ABHD6: variants seen among roughly 807,000 people sequenced by gnomAD.
ABHD6 encodes abhydrolase domain containing 6, acylglycerol lipase.
Under a neutral mutation model 38.8 loss-of-function variants are expected in ABHD6, and 33 were observed. That is an observed-to-expected ratio of 0.85 (90% CI 0.64 to 1.14). The LOEUF is 1.14. ABHD6 is among the 50% of genes most tolerant of loss of function. The pLI, the probability that ABHD6 is intolerant of heterozygous loss-of-function variation, is 0.00. For missense variants in ABHD6, 380 were observed against 422.6 expected (o/e 0.90, Z 0.88); for synonymous variants, 147 against 161.6 (o/e 0.91, Z 0.69).
chr3:58,271,087 C>T, intron 6 of ABHD6, 23 bp downstream of exon 6: 1 of 1,570,692 alleles, frequency 6.4e-7, no homozygotes, highest in South Asian at 1.2e-5. Flanking sequence ...GCTGAAACAT[C>T]CCTCGGCAGG....
chr3:58,282,740 AAAC>A (rs996997943), intron 7 of ABHD6, among the ~76,000 whole-genome samples: 31 of 152,304 alleles, frequency 2.0e-4, no homozygotes, highest in African/African-American at 7.0e-4. Flanking sequence ...TGTCTCAAAA[AAAC>A]AACAACAAAA....
rs2097446308 is a variant in ABHD6 at position 58,273,250 on chromosome 3, T to C, written c.524-1408T>C. ...ATATTATTGATGCTACTGCCTTTCA[T>C]TATAAAATCTAGCTCTTTTCTAGAT... On this transcript the variant is annotated intron_variant, in intron 6 of 9. Coordinates refer to ENST00000478253, the MANE Select transcript of ABHD6 (RefSeq NM_001320126.2). The surrounding 1 kb of genome is among the most constrained non-coding windows in gnomAD (Gnocchi z 4.8). Among the ~76,000 whole-genome samples the C allele has an allele frequency of 6.6e-6, 1 of 152,170 alleles. No homozygotes were observed. Among genetic ancestry groups the C allele is most frequent in the Non-Finnish European group, 1.5e-5 (1 of 68,046 alleles).
intron 3 of ABHD6, among the ~76,000 whole-genome samples, chr3:58,260,741 A>C (rs968951793): frequency 1.3e-5 from 2 of 152,214 alleles, no homozygotes; most frequent in Non-Finnish European, 2.9e-5. Context: ...AGCAGGCAGT[A>C]GAGGTAGCTT....
intron 7 of ABHD6, among the ~76,000 whole-genome samples, chr3:58,284,504 G>A (rs940662923): frequency 6.6e-6 from 1 of 150,836 alleles, no homozygotes; most frequent in African/African-American, 2.4e-5. Flanking sequence ...AGGTTGGAGT[G>A]CAGTGGCGCA....
intron 2 of ABHD6, among the ~76,000 whole-genome samples, chr3:58,254,575 G>A (rs2097431982): frequency 6.6e-6 from 1 of 152,096 alleles, no homozygotes; most frequent in Non-Finnish European, 1.5e-5. Context: ...AGAGGCATAT[G>A]GGAGAGATCA....
rs1038874232 is a variant in ABHD6, at chr3:58,267,037, A to G, written c.120-152A>G. ...TTTGTGTTCCTTGAGGGTAAAGCTC[A>G]GGAGGACTCTAGAGACTGATGGAGG... On this transcript the variant is annotated intron_variant, in intron 3 of 9. Transcript: ENST00000478253. This position sits in a 1 kb window ranked among gnomAD's most constrained non-coding sequence, Gnocchi z 4.3. The G allele has an allele frequency of 1.3e-6, 1 of 787,576 alleles. No homozygotes were observed. The highest frequency in any genetic ancestry group is 2.0e-6 in the Non-Finnish European group (1 of 496,214). The allele number at this position is 787,576 out of a possible 1,614,324, so 48.8% of individuals were successfully genotyped here.
intron 3 of ABHD6, among the ~76,000 whole-genome samples, chr3:58,264,997 C>G (rs1210743663): frequency 8.6e-6 from 1 of 115,692 alleles, no homozygotes; most frequent in African/African-American, 3.4e-5. Flanking sequence ...CTTATTCATT[C>G]TTTCTATTTT....
chr3:58,288,036 G>T (rs2097458743), intron 9 of ABHD6, among the ~76,000 whole-genome samples: 1 of 152,210 alleles, frequency 6.6e-6, no homozygotes. Context: ...AGACTCAGAA[G>T]TCCGTTTCAT....
Position 58,293,527 on chromosome 3 carries a change from A to C in ABHD6, c.838-62A>C. The stretch of plus-strand genomic sequence containing the variant: ...AGGCCTTGGTGGAAGTTCTGTCCAC[A>C]GAGTGCACACGTGGGTGTCTGAATC... On this transcript the variant is annotated intron_variant, in intron 9 of 9. Coordinates refer to ENST00000478253, the MANE Select transcript of ABHD6 (RefSeq NM_001320126.2). This position sits in a 1 kb window ranked among gnomAD's most constrained non-coding sequence, Gnocchi z 4.4. 1 of 1,561,246 alleles carries C rather than the reference A, an allele frequency of 6.4e-7. No homozygotes were observed.
chr3:58,242,282 G>C (rs149996102), intron 1 of ABHD6, among the ~76,000 whole-genome samples: 269 of 152,278 alleles, frequency 1.8e-3, no homozygotes, highest in African/African-American at 6.4e-3. Context: ...ACATCATGCT[G>C]AGAGCCACTG....
In ABHD6 at chr3:58,274,726, G is replaced by C; in HGVS notation, c.592G>C (p.Glu198Gln). 1 of 1,614,236 alleles carries C rather than the reference G, an allele frequency of 6.2e-7. No homozygotes were observed. The highest frequency in any genetic ancestry group is 8.5e-7 in the Non-Finnish European group (1 of 1,180,044). The change falls in exon 7 of 10, where the codon GAG becomes CAG. Residue 198 changes from glutamate (E) to glutamine (Q), a missense_variant. Transcript: ENST00000478253. ...AGAACTGCAGGGCTCTGCCGCCGTGGAGAAGATTCCCTTGATCCCGTCTAC... is the reference window on the plus strand; with the variant it reads ...AGAACTGCAGGGCTCTGCCGCCGTGCAGAAGATTCCCTTGATCCCGTCTAC... ...LKELQGSAAV[E>Q]KIPLIPSTPE...
rs1472092733 is a variant in ABHD6, at chr3:58,259,104, G to C, written c.119+2399G>C. Among the ~76,000 whole-genome samples the C allele has an allele frequency of 6.6e-6, 1 of 152,088 alleles. No individual in the cohort carries two copies. Among genetic ancestry groups the C allele is most frequent in the African/African-American group, 2.4e-5 (1 of 41,426 alleles). Reference sequence around the variant, plus strand: ...TTTTATTAACGACATGAAATTGAAGGAGAGAACACAATTCACTGATGTGGC... The same window carrying C: ...TTTTATTAACGACATGAAATTGAAGCAGAGAACACAATTCACTGATGTGGC... On this transcript the variant is annotated intron_variant, in intron 3 of 9. Transcript: ENST00000478253. This position sits in a 1 kb window ranked among gnomAD's most constrained non-coding sequence, Gnocchi z 4.7.
chr3:58,256,420 T>G lies in ABHD6; in HGVS notation c.-25-142T>G. 3.8e-6 allele frequency: 2 copies of G among 522,986 alleles called. No individual in the cohort carries two copies. The highest frequency in any genetic ancestry group is 6.8e-6 in the Non-Finnish European group (2 of 295,292). 32.4% of individuals were successfully genotyped at this position (522,986 alleles called of 1,614,324 possible). ...TTAGTTGTCATGTCTATTTGGTTTT[T>G]TGTAAAGCACTTGCCTGCTTTGGTT... On this transcript the variant is annotated intron_variant, in intron 2 of 9. Coordinates refer to ENST00000478253, the MANE Select transcript of ABHD6 (RefSeq NM_001320126.2). The surrounding 1 kb of genome is among the most constrained non-coding windows in gnomAD (Gnocchi z 4.3).
chr3:58,271,797 G>C (rs1469888315), intron 6 of ABHD6, among the ~76,000 whole-genome samples: 1 of 62,982 alleles, frequency 1.6e-5, no homozygotes. Flanking sequence ...TTTTGAGACA[G>C]TCTGTTGCTC....
At position 58,259,936 on chromosome 3, in the gene ABHD6, T is replaced by C. The variant is rs1166164366; in HGVS notation, c.119+3231T>C. ...CGGACATTTCACGTAAACGGGGTTATACATGTGTGACCTTTGTGTCTGGTT... is the reference window on the plus strand; with the variant it reads ...CGGACATTTCACGTAAACGGGGTTACACATGTGTGACCTTTGTGTCTGGTT... On this transcript the variant is annotated intron_variant, in intron 3 of 9. Transcript: ENST00000478253. The surrounding 1 kb of genome is among the most constrained non-coding windows in gnomAD (Gnocchi z 4.7). Among the ~76,000 whole-genome samples, 2 of 152,212 alleles carry C rather than the reference T, an allele frequency of 1.3e-5. No homozygotes were observed. Among genetic ancestry groups the C allele is most frequent in the Non-Finnish European group, 2.9e-5 (2 of 68,046 alleles).
intron 7 of ABHD6, among the ~76,000 whole-genome samples, chr3:58,281,941 C>T (rs980365805): frequency 6.6e-6 from 1 of 152,144 alleles, no homozygotes; most frequent in Admixed American, 6.6e-5. Context: ...CGTAGCGAGA[C>T]CCCATCTCTA....
Position 58,259,599 on chromosome 3 carries a change from T to A in ABHD6, c.119+2894T>A, listed in dbSNP as rs2097435665. 6.6e-6 allele frequency among the ~76,000 whole-genome samples: 1 copy of A among 152,182 alleles called. No homozygotes were observed. The highest frequency in any genetic ancestry group is 1.5e-5 in the Non-Finnish European group (1 of 68,022). ...GGGAGGCTGAGGCAGAAGAATCGCT[T>A]GAACCCAGGAAGCGGAGGTTGCAGT... On this transcript the variant is annotated intron_variant, in intron 3 of 9. Transcript: ENST00000478253. This position sits in a 1 kb window ranked among gnomAD's most constrained non-coding sequence, Gnocchi z 4.7.
At chr3:58,240,930 A>T (rs1212135998) in intron 1 of ABHD6, among the ~76,000 whole-genome samples, 1 of 151,860 alleles carries the variant, frequency 6.6e-6, no homozygotes, top group Non-Finnish European at 1.5e-5. Flanking sequence ...GGGTTTCTCC[A>T]TGTTGGTCAG....
intron 2 of ABHD6, among the ~76,000 whole-genome samples, chr3:58,253,938 CT>C (rs2097431577): frequency 6.6e-6 from 1 of 152,212 alleles, no homozygotes; most frequent in East Asian, 1.9e-4. Context: ...ATGGGTGCAT[CT>C]GTCTCCTTCT....
Sources: allele counts gnomAD v4.1 joint callset (sites outside exome capture counted in the v4.1 genomes callset), GRCh38; gene constraint gnomAD v4.1.1; non-coding constraint Gnocchi (gnomAD v3.1); transcripts MANE v1.5; gene names NCBI Gene and HGNC (gene_info 2026-07-23, HGNC 2026-07-21).